The following GRM5 variants were observed in gnomAD, a reference collection of about 807,000 sequenced individuals.
The protein encoded by GRM5 is glutamate metabotropic receptor 5, also known as metabotropic glutamate receptor 5.
Under a neutral mutation model 83.1 loss-of-function variants are expected in GRM5, and 19 were observed. That is an observed-to-expected ratio of 0.23 (90% CI 0.16 to 0.34). GRM5 has a LOEUF of 0.34. Among genes scored for constraint, GRM5 ranks in the 10% least tolerant of loss-of-function variants. GRM5 has a pLI of 1.00. For synonymous variants in GRM5, 675 were observed against 633.6 expected (o/e 1.07, Z -0.98); for missense variants, 1,160 against 1,588.3 (o/e 0.73, Z 4.58).
intron 7 of GRM5, among the ~76,000 whole-genome samples, chr11:88,573,289 G>A (rs1943043486): frequency 2.0e-5 from 3 of 152,132 alleles, no homozygotes; most frequent in Admixed American, 1.3e-4. Context: ...CAGAATGGAT[G>A]ATCTACTGAT....
intron 3 of GRM5, among the ~76,000 whole-genome samples, chr11:88,692,303 C>A (rs919664713): frequency 1.3e-5 from 2 of 152,192 alleles, no homozygotes; most frequent in African/African-American, 4.8e-5. Flanking sequence ...CTGTCTTTAG[C>A]AATTCCTATT....
intron 2 of GRM5, among the ~76,000 whole-genome samples, chr11:88,870,002 G>A (rs1314360577): frequency 6.6e-6 from 1 of 151,324 alleles, no homozygotes; most frequent in Non-Finnish European, 1.5e-5. Context: ...ATAGAAGTAA[G>A]AAAAAATATA....
chr11:89,044,988 A>G (rs1307297908), intron 2 of GRM5, among the ~76,000 whole-genome samples: 1 of 152,170 alleles, frequency 6.6e-6, no homozygotes, highest in Non-Finnish European at 1.5e-5. Flanking sequence ...TTGTACTGAT[A>G]AATCATAAGA....
At chr11:88,877,005 T>C (rs1392363094) in intron 2 of GRM5, among the ~76,000 whole-genome samples, 2 of 152,068 alleles carry the variant, frequency 1.3e-5, no homozygotes, top group African/African-American at 4.8e-5. Context: ...ATAATTGGAA[T>C]CTTAACAAGT....
intron 2 of GRM5, among the ~76,000 whole-genome samples, chr11:88,914,180 A>G (rs955000502): frequency 6.6e-6 from 1 of 152,182 alleles, no homozygotes; most frequent in African/African-American, 2.4e-5. Flanking sequence ...TCACTGAGTC[A>G]CTGATCTAGG....
intron 3 of GRM5, among the ~76,000 whole-genome samples, chr11:88,833,268 A>G (rs1325229220): frequency 6.6e-6 from 1 of 152,070 alleles, no homozygotes; most frequent in Non-Finnish European, 1.5e-5. Flanking sequence ...GCTTAAAAAA[A>G]AAACTAACTC....
rs199551301 is a variant in GRM5 at position 88,570,550 on chromosome 11, A to AATATATATATATATAT, written c.1691-2574_1691-2559dup. Among the ~76,000 whole-genome samples, 114 of 71,884 alleles carry AATATATATATATATAT rather than the reference A, an allele frequency of 1.6e-3. 2 individuals are homozygous for AATATATATATATATAT. Among genetic ancestry groups the AATATATATATATATAT allele is most frequent in the African/African-American group, 2.8e-3 (34 of 12,236 alleles). 47.2% of individuals were successfully genotyped at this position (71,884 alleles called of 152,430 possible). On this transcript the variant is annotated intron_variant, in intron 7 of 9. Transcript: ENST00000305447. ...CTGTTTTACCAAAAAAAGTATTAAT[A>AATATATATATATATAT]ATATATATATATATATATATATTTT...
At chr11:88,953,846 T>C (rs1002649796) in intron 2 of GRM5, among the ~76,000 whole-genome samples, 5 of 152,230 alleles carry the variant, frequency 3.3e-5, no homozygotes, top group African/African-American at 1.2e-4. Flanking sequence ...GTCATTTTCA[T>C]ATGACTTTTG....
intron 4 of GRM5, among the ~76,000 whole-genome samples, chr11:88,647,891 A>G (rs1389140305): frequency 3.3e-5 from 5 of 152,008 alleles, no homozygotes; most frequent in Admixed American, 6.6e-5. Flanking sequence ...CAGCCAAAAA[A>G]CACATGAAAA....
intron 3 of GRM5, among the ~76,000 whole-genome samples, chr11:88,696,688 A>C (rs1051863276): frequency 6.6e-6 from 1 of 152,166 alleles, no homozygotes; most frequent in Non-Finnish European, 1.5e-5. Flanking sequence ...TTTATTTTTT[A>C]GCAGAATGGG....
At chr11:88,716,909 C>T (rs891175565) in intron 3 of GRM5, among the ~76,000 whole-genome samples, 1 of 151,746 alleles carries the variant, frequency 6.6e-6, no homozygotes, top group African/African-American at 2.4e-5. Flanking sequence ...TTTCTAAGGC[C>T]CAGAATGCCC....
intron 3 of GRM5, among the ~76,000 whole-genome samples, chr11:88,655,647 G>A (rs1165342969): frequency 1.3e-5 from 2 of 149,166 alleles, no homozygotes; most frequent in African/African-American, 5.0e-5. Flanking sequence ...ATAATTTACT[G>A]ATCTCTCATC....
intron 2 of GRM5, among the ~76,000 whole-genome samples, chr11:89,006,561 A>G (rs1282059755): frequency 6.6e-6 from 1 of 152,114 alleles, no homozygotes; most frequent in Non-Finnish European, 1.5e-5. Context: ...CAAATTATTA[A>G]TGATGGGCTA....
rs1944406373 is a variant in GRM5 at position 88,852,622 on chromosome 11, G to T, written c.662-2467C>A. On this transcript the variant is annotated intron_variant, in intron 2 of 9. Transcript: ENST00000305447. The stretch of plus-strand genomic sequence containing the variant: ...CTCTTTAAAATTAAAAAAGGCAGGG[G>T]GTATATGAAAAATTTTCACTCAATT... Among the ~76,000 whole-genome samples, 2 of 151,536 alleles carry T rather than the reference G, an allele frequency of 1.3e-5. 1 individual carries two copies. The highest frequency in any genetic ancestry group is 4.2e-4 in the South Asian group (2 of 4,800).
chr11:88,694,551 C>CT (rs1203316611), intron 3 of GRM5, among the ~76,000 whole-genome samples: 4 of 75,422 alleles, frequency 5.3e-5, no homozygotes, highest in Non-Finnish European at 1.0e-4. Context: ...TCTTAGAGAA[C>CT]TATTTTTTTT....
chr11:88,978,474 T>TAAAAAAAAAAAAAAAAAAA (rs200343438), intron 2 of GRM5, among the ~76,000 whole-genome samples: 1 of 97,988 alleles, frequency 1.0e-5, no homozygotes, highest in African/African-American at 3.7e-5. Context: ...CAGATGAGCT[T>TAAAAAAAAAAAAAAAAAAA]AAAAAAAAAA....
chr11:88,804,984 A>G (rs1413100754), intron 3 of GRM5, among the ~76,000 whole-genome samples: 1 of 152,190 alleles, frequency 6.6e-6, no homozygotes, highest in Non-Finnish European at 1.5e-5. Context: ...AACTAAAGAA[A>G]GAGAAGTCTT....
chr11:89,014,981 C>T (rs72954980), intron 2 of GRM5, among the ~76,000 whole-genome samples: 18 of 152,258 alleles, frequency 1.2e-4, no homozygotes, highest in East Asian at 3.9e-4. Flanking sequence ...ATTCATAGGG[C>T]GGCCAGAACC....
intron 2 of GRM5, among the ~76,000 whole-genome samples, chr11:89,006,863 T>C (rs899118522): frequency 6.6e-6 from 1 of 152,222 alleles, no homozygotes; most frequent in Non-Finnish European, 1.5e-5. Flanking sequence ...AGTGGCGCAA[T>C]CTCGGCTCAC....
Sources: gnomAD v4.1 joint callset for allele counts (sites outside exome capture counted in the v4.1 genomes callset) on GRCh38, gnomAD v4.1.1 for gene constraint, MANE v1.5 for transcripts, NCBI Gene and HGNC (gene_info 2026-07-23, HGNC 2026-07-21) for gene names.